TBC1D8: variants seen among roughly 807,000 people sequenced by gnomAD.
The protein encoded by TBC1D8 is TBC1 domain family member 8, also known as BUB2-like protein 1.
Under a neutral mutation model 118.8 loss-of-function variants are expected in TBC1D8, and 65 were observed. The observed-to-expected ratio is 0.55, with a 90% CI of 0.45 to 0.67. TBC1D8 has a LOEUF of 0.67. Among genes scored for constraint, TBC1D8 ranks in the 30% least tolerant of loss-of-function variants. The pLI is 0.00. For missense variants in TBC1D8, 1,376 were observed against 1,471.2 expected, an observed-to-expected ratio of 0.94 and a Z score of 1.06; for synonymous variants, 566 against 595.8, an observed-to-expected ratio of 0.95 and a Z score of 0.73.
intron 1 of TBC1D8, among the ~76,000 whole-genome samples, chr2:101,108,708 A>G (rs946409871): frequency 6.6e-6 from 1 of 151,974 alleles, no homozygotes; most frequent in African/African-American, 2.4e-5. Flanking sequence ...TTGTGATCAC[A>G]TTGGCACCCC....
intron 2 of TBC1D8, among the ~76,000 whole-genome samples, chr2:101,069,961 G>A (rs929224285): frequency 4.6e-5 from 7 of 150,956 alleles, no homozygotes; most frequent in African/African-American, 7.3e-5. Flanking sequence ...TGTTGCCCAG[G>A]CTGGAGTGCA....
chr2:101,058,867 GATAACAAAAACTAAGTCTGAGA>G (rs1682590570), intron 3 of TBC1D8, among the ~76,000 whole-genome samples: 1 of 151,640 alleles, frequency 6.6e-6, no homozygotes, highest in Non-Finnish European at 1.5e-5. Context: ...TCCTGTAAAG[GATAACAAAAACTAAGTCTGAGA>G]ATAAAGTCTT....
At chr2:101,120,921 G>A (rs550052528) in intron 1 of TBC1D8, among the ~76,000 whole-genome samples, 10 of 152,264 alleles carry the variant, frequency 6.6e-5, no homozygotes, top group Admixed American at 5.9e-4. Flanking sequence ...AAAGCTGAGA[G>A]CTGATCCCTA....
At chr2:101,140,216 T>C (rs902082116) in intron 1 of TBC1D8, among the ~76,000 whole-genome samples, 1 of 152,188 alleles carries the variant, frequency 6.6e-6, no homozygotes, top group African/African-American at 2.4e-5. Flanking sequence ...ACAAAGATCA[T>C]GAGCTTGCAA....
chr2:101,119,914 T>G (rs1678021201), intron 1 of TBC1D8, among the ~76,000 whole-genome samples: 1 of 152,158 alleles, frequency 6.6e-6, no homozygotes, highest in African/African-American at 2.4e-5. Context: ...CTCTCTTATC[T>G]GCAACATGAA....
chr2:101,151,379 C>A lies in TBC1D8; in HGVS notation c.-126G>T, dbSNP rs1423013310. 31 of 947,910 alleles carry A rather than the reference C, an allele frequency of 3.3e-5. No homozygotes were observed. The highest frequency in any genetic ancestry group is 4.0e-5 in the Non-Finnish European group (31 of 766,896). 58.7% of individuals were successfully genotyped at this position (947,910 alleles called of 1,614,324 possible). A position where few individuals can be genotyped will look rare whatever the true frequency, so the allele number is the denominator to read the frequency against. Reference sequence around the variant, plus strand: ...ACCACAGCCCGGCCGGTGCCCAGCGCTCTGAGAGCCCGCGGAGCGCAGCAG... The same window carrying A: ...ACCACAGCCCGGCCGGTGCCCAGCGATCTGAGAGCCCGCGGAGCGCAGCAG... On this transcript the variant is annotated 5_prime_UTR_variant, in exon 1 of 20. Transcript: ENST00000409318.
chr2:101,106,432 G>A (rs1309727606), intron 1 of TBC1D8, among the ~76,000 whole-genome samples: 1 of 152,238 alleles, frequency 6.6e-6, no homozygotes, highest in Non-Finnish European at 1.5e-5. Context: ...CAACCTGACT[G>A]TACTACACAT....
chr2:101,034,664 C>T (rs746323496), intron 9 of TBC1D8, among the ~76,000 whole-genome samples: 1 of 152,128 alleles, frequency 6.6e-6, no homozygotes, highest in African/African-American at 2.4e-5. Flanking sequence ...TGTGCATATG[C>T]GTTAGAGAGA....
At chr2:101,011,101 G>T in intron 18 of TBC1D8, 75 bp from the exon 19 acceptor site, 1 of 1,418,636 alleles carries the variant, frequency 7.0e-7, no homozygotes, top group Non-Finnish European at 9.8e-7. Flanking sequence ...CTATGTAGGA[G>T]AGAGGAGCAA....
chr2:101,081,704 C>A (rs1262685012), intron 2 of TBC1D8, among the ~76,000 whole-genome samples: 1 of 152,194 alleles, frequency 6.6e-6, no homozygotes, highest in Non-Finnish European at 1.5e-5. Flanking sequence ...GAAAAGGAGT[C>A]CAATTATTGC....
In TBC1D8 at chr2:101,027,366, T is replaced by A; in HGVS notation, c.2520+17A>T. 1 of 1,611,870 alleles carries A rather than the reference T, an allele frequency of 6.2e-7. No individual in the cohort carries two copies. The highest frequency in any genetic ancestry group is 8.5e-7 in the Non-Finnish European group (1 of 1,178,254). ...AGCTCAGGGCCTGGAACCCCTCATC[T>A]TCCCAGAGCTGCGTACCTTGAATAA... is the stretch of plus-strand genomic sequence containing the variant. On this transcript the variant is annotated intron_variant, in intron 15 of 19. Coordinates refer to ENST00000409318, the MANE Select transcript of TBC1D8 (RefSeq NM_001330348.2).
At chr2:101,066,492 G>A (rs144243424) in intron 2 of TBC1D8, among the ~76,000 whole-genome samples, 216 of 151,992 alleles carry the variant, frequency 1.4e-3, no homozygotes, top group Non-Finnish European at 2.4e-3. Flanking sequence ...GTTAACTATT[G>A]GGTTATTAAA....
intron 3 of TBC1D8, among the ~76,000 whole-genome samples, chr2:101,056,207 A>ATTATTC (rs1682418569): frequency 7.1e-6 from 1 of 140,232 alleles, no homozygotes; most frequent in Admixed American, 7.0e-5. Flanking sequence ...TATTATTATT[A>ATTATTC]TTTTTTTTTT....
At chr2:101,008,355 G>A in intron 19 of TBC1D8, 82 bp from the exon 20 acceptor site, 1 of 1,106,030 alleles carries the variant, frequency 9.0e-7, no homozygotes, top group Non-Finnish European at 1.2e-6. Context: ...TGTGAGCTTT[G>A]AGAAAACGAC....
chr2:101,080,882 C>T (rs1226109163), intron 2 of TBC1D8, among the ~76,000 whole-genome samples: 1 of 151,868 alleles, frequency 6.6e-6, no homozygotes, highest in Non-Finnish European at 1.5e-5. Context: ...TTCCAGGCCC[C>T]GTCCCACCTC....
intron 2 of TBC1D8, among the ~76,000 whole-genome samples, chr2:101,078,179 AAC>A (rs1674970079): frequency 6.6e-6 from 1 of 152,208 alleles, no homozygotes; most frequent in Non-Finnish European, 1.5e-5. Flanking sequence ...TGATTTGAGT[AAC>A]ACAACTCCAG....
intron 5 of TBC1D8, among the ~76,000 whole-genome samples, chr2:101,046,159 G>C (rs1452614899): frequency 6.6e-6 from 1 of 152,058 alleles, no homozygotes; most frequent in African/African-American, 2.4e-5. Context: ...CCTTTCTTCT[G>C]TGACCCCCCC....
chr2:101,108,902 A>G (rs72822921), intron 1 of TBC1D8, among the ~76,000 whole-genome samples: 23 of 152,350 alleles, frequency 1.5e-4, no homozygotes, highest in Non-Finnish European at 3.2e-4. Flanking sequence ...TGTAACAAAT[A>G]GGCCATACCA....
Position 101,028,154 on chromosome 2 carries a change from GA to G in TBC1D8, c.2353-9del, listed in dbSNP as rs1418123745. The G allele has an allele frequency of 6.2e-7, 1 of 1,613,470 alleles. No homozygotes were observed. The highest frequency in any genetic ancestry group is 1.1e-5 in the South Asian group (1 of 91,064). ...AGACTGGTCTCCAAATTTCTGCAGG[GA>G]AAAAAGGGACCACTTGCTCAGTCCC... On this transcript the variant is annotated splice_polypyrimidine_tract_variant and intron_variant, in intron 13 of 19. Coordinates refer to ENST00000409318, the MANE Select transcript of TBC1D8 (RefSeq NM_001330348.2).
Sources: allele counts gnomAD v4.1 joint callset (sites outside exome capture counted in the v4.1 genomes callset), GRCh38; gene constraint gnomAD v4.1.1; transcripts MANE v1.5; gene names NCBI Gene and HGNC (gene_info 2026-07-23, HGNC 2026-07-21).